Variants in C12orf42 observed in about 807,000 individuals in gnomAD.
C12orf42 encodes uncharacterized protein C12orf42.
Under a neutral mutation model 21.6 loss-of-function variants are expected in C12orf42, and 25 were observed. That is an observed-to-expected ratio of 1.16 (90% CI 0.84 to 1.62). C12orf42 has a LOEUF of 1.62. C12orf42 is among the 40% of genes most tolerant of loss of function. The pLI is 0.00. For missense variants in C12orf42, 483 were observed against 459.3 expected (o/e 1.05, Z -0.47); for synonymous variants, 174 against 175.0 (o/e 0.99, Z 0.05).
chr12:103,384,577 T>G (rs1158188807), intron 3 of C12orf42, among the ~76,000 whole-genome samples: 1 of 152,246 alleles, frequency 6.6e-6, no homozygotes, highest in Non-Finnish European at 1.5e-5. Context: ...CTCCCACTCC[T>G]TCTTGACTGA....
the C12orf42 span, among the ~76,000 whole-genome samples, chr12:103,059,155 T>A: frequency 3.3e-5 from 5 of 152,118 alleles, no homozygotes; most frequent in Admixed American, 2.0e-4. Flanking sequence ...TCACCACTGA[T>A]CCCACAAAAA....
At chr12:103,104,731 C>T in the C12orf42 span, among the ~76,000 whole-genome samples, 1 of 152,220 alleles carries the variant, frequency 6.6e-6, no homozygotes, top group Non-Finnish European at 1.5e-5. Context: ...CCGCGCCTGG[C>T]CGGGTTTTCC....
chr12:103,333,393 A>C (rs1404453068), intron 4 of C12orf42, among the ~76,000 whole-genome samples: 2 of 152,208 alleles, frequency 1.3e-5, no homozygotes, highest in Non-Finnish European at 2.9e-5. Flanking sequence ...GTCAGTCATT[A>C]TTGCCATTGT....
intron 2 of C12orf42, among the ~76,000 whole-genome samples, chr12:103,407,131 T>C (rs1326848029): frequency 1.3e-5 from 2 of 152,140 alleles, no homozygotes; most frequent in Non-Finnish European, 2.9e-5. Context: ...AAGGTGAGCC[T>C]TCCTAGTCAT....
the C12orf42 span, among the ~76,000 whole-genome samples, chr12:103,562,945 A>G: frequency 2.6e-5 from 4 of 152,240 alleles, no homozygotes; most frequent in Non-Finnish European, 4.4e-5. Flanking sequence ...TGCCTCTGAC[A>G]TAACACCTTC....
chr12:103,517,428 G>A, the C12orf42 span, among the ~76,000 whole-genome samples: 1 of 152,228 alleles, frequency 6.6e-6, no homozygotes, highest in Non-Finnish European at 1.5e-5. Context: ...GATTTGGGTA[G>A]AATAAATAGT....
chr12:103,158,266 T>C, the C12orf42 span, among the ~76,000 whole-genome samples: 3 of 152,298 alleles, frequency 2.0e-5, no homozygotes, highest in Middle Eastern at 3.4e-3. Flanking sequence ...GGTAGATTTA[T>C]GTCAGGTTTC....
rs181133551 is a variant in C12orf42, at chr12:103,289,352, G to A, written n.338-12142C>T. 5.8e-3 allele frequency among the ~76,000 whole-genome samples: 882 copies of A among 152,104 alleles called. 11 individuals carry two copies. Among genetic ancestry groups the A allele is most frequent in the African/African-American group, 0.02 (841 of 41,510 alleles). On this transcript the variant is annotated intron_variant and non_coding_transcript_variant, in intron 4 of 6. Transcript: ENST00000546526. Reference sequence around the variant, plus strand: ...AATATTATCATTTTTTAAGTTCTGTGAGTCAAAGAGCATACCAGACAAAAT... The same window carrying A: ...AATATTATCATTTTTTAAGTTCTGTAAGTCAAAGAGCATACCAGACAAAAT...
intron 3 of C12orf42, among the ~76,000 whole-genome samples, chr12:103,398,349 A>C (rs2047704427): frequency 6.6e-6 from 1 of 152,026 alleles, no homozygotes; most frequent in Non-Finnish European, 1.5e-5. Flanking sequence ...TCCTTTGCTC[A>C]TTTTTCTACC....
chr12:103,307,509 A>G (rs572018346), intron 4 of C12orf42, among the ~76,000 whole-genome samples: 7 of 152,254 alleles, frequency 4.6e-5, no homozygotes, highest in African/African-American at 1.7e-4. Context: ...AGTAAACAGG[A>G]AAAAAAGTCC....
intron 2 of C12orf42, among the ~76,000 whole-genome samples, chr12:103,421,932 TAAG>T (rs1167428159): frequency 6.6e-5 from 10 of 152,250 alleles, no homozygotes; most frequent in Admixed American, 5.2e-4. Context: ...ATAATAATAA[TAAG>T]AATAAGATGG....
At chr12:103,555,637 T>C in the C12orf42 span, among the ~76,000 whole-genome samples, 1 of 152,114 alleles carries the variant, frequency 6.6e-6, no homozygotes, top group African/African-American at 2.4e-5. Flanking sequence ...GAGATGTGGT[T>C]AGAAACATCA....
intron 10 of C12orf42, among the ~76,000 whole-genome samples, chr12:103,247,413 A>C (rs556176848): frequency 2.6e-5 from 4 of 152,046 alleles, no homozygotes; most frequent in Non-Finnish European, 5.9e-5. Flanking sequence ...ATTTTATGTC[A>C]AAAAATTTTA....
the C12orf42 span, among the ~76,000 whole-genome samples, chr12:103,074,643 A>G: frequency 6.6e-6 from 1 of 152,196 alleles, no homozygotes; most frequent in Non-Finnish European, 1.5e-5. Context: ...AAATAATATG[A>G]TTAGGATTCT....
intron 2 of C12orf42, among the ~76,000 whole-genome samples, chr12:103,451,521 T>G (rs1340351783): frequency 1.3e-5 from 2 of 152,078 alleles, no homozygotes; most frequent in Non-Finnish European, 2.9e-5. Flanking sequence ...GCCCATTTTA[T>G]TTTCTAACCC....
At chr12:103,071,306 G>A in the C12orf42 span, among the ~76,000 whole-genome samples, 3 of 152,008 alleles carry the variant, frequency 2.0e-5, no homozygotes, top group African/African-American at 7.2e-5. Context: ...ATGAGTAAAG[G>A]CTGAAAAACC....
At chr12:103,368,658 T>C (rs2044861851) in intron 4 of C12orf42, among the ~76,000 whole-genome samples, 1 of 152,094 alleles carries the variant, frequency 6.6e-6, no homozygotes, top group South Asian at 2.1e-4. Flanking sequence ...GGGAAATTAA[T>C]AAAATGAAAT....
intron 3 of C12orf42, among the ~76,000 whole-genome samples, chr12:103,381,151 G>A (rs951380131): frequency 1.3e-5 from 2 of 152,164 alleles, no homozygotes; most frequent in African/African-American, 2.4e-5. Flanking sequence ...TACACTGCTG[G>A]CTCAGGCACT....
intron 1 of C12orf42, among the ~76,000 whole-genome samples, chr12:103,488,338 T>A (rs1167143282): frequency 6.6e-6 from 1 of 152,250 alleles, no homozygotes; most frequent in African/African-American, 2.4e-5. Flanking sequence ...TCTGATGGGC[T>A]TCCCTTTGTG....
Sources: allele counts gnomAD v4.1 joint callset (sites outside exome capture counted in the v4.1 genomes callset), GRCh38; gene constraint gnomAD v4.1.1; transcripts MANE v1.5; gene names NCBI Gene and HGNC (gene_info 2026-07-23, HGNC 2026-07-21).